The following ARID1A variants were observed in gnomAD, a reference collection of about 807,000 sequenced individuals.
ARID1A encodes the protein AT-rich interaction domain 1A.
ARID1A carries 20 observed loss-of-function variants against 212.6 expected under a neutral mutation model. The observed-to-expected ratio is 0.09, with a 90% CI of 0.07 to 0.14. The LOEUF is 0.14. ARID1A is among the 10% of genes least tolerant of loss of function. The pLI is 1.00. For synonymous variants in ARID1A, 1,376 were observed against 1,222.1 expected (o/e 1.13, Z -2.63); for missense variants, 2,587 against 3,059.0 (o/e 0.85, Z 3.64).
chr1:26,709,012 G>C (rs1283781549), intron 1 of ARID1A, among the ~76,000 whole-genome samples: 3 of 152,072 alleles, frequency 2.0e-5, no homozygotes, highest in Non-Finnish European at 1.5e-5. Context: ...GTCTTAATTT[G>C]CCACTTGGGG....
rs1273765663 is a variant in ARID1A at position 26,696,364 on chromosome 1, G to A, written c.-40G>A. The A allele has an allele frequency of 5.7e-6, 7 of 1,222,428 alleles. No homozygotes were observed. In the African/African-American group the frequency reaches 6.4e-5, roughly 11 times the overall value. 75.7% of individuals were successfully genotyped at this position (1,222,428 alleles called of 1,614,324 possible). ...GGGTGGGAGGGGGGGAGAAGACGAA[G>A]ACAGGGCCGGGTCTCTCCGCGGACG... is the stretch of plus-strand genomic sequence containing the variant. On this transcript the variant is annotated 5_prime_UTR_variant, in exon 1 of 20. Coordinates refer to ENST00000324856, the MANE Select transcript of ARID1A (RefSeq NM_006015.6).
At chr1:26,749,033 C>T (rs1195226278) in intron 4 of ARID1A, among the ~76,000 whole-genome samples, 5 of 151,962 alleles carry the variant, frequency 3.3e-5, no homozygotes. Context: ...GGCATGGTGG[C>T]GGGCACCTGT....
At position 26,774,248 on chromosome 1, in the gene ARID1A, G is replaced by A. The variant is rs2124116422; in HGVS notation, c.4102-81G>A. 3 of 1,503,418 alleles carry A rather than the reference G, an allele frequency of 2.0e-6. No individual in the cohort carries two copies. Among genetic ancestry groups the A allele is most frequent in the Non-Finnish European group, 2.7e-6 (3 of 1,128,382 alleles). 93.1% of individuals were successfully genotyped at this position (1,503,418 alleles called of 1,614,324 possible). On this transcript the variant is annotated intron_variant, in intron 17 of 19. Coordinates refer to ENST00000324856, the MANE Select transcript of ARID1A (RefSeq NM_006015.6). This position sits in a 1 kb window ranked among gnomAD's most constrained non-coding sequence, Gnocchi z 5.6. ...GGAGTCTGTGTCCACCAAGCATCTG[G>A]TTGTAGCCATCTTGGCATCTGTGGG...
intron 1 of ARID1A, among the ~76,000 whole-genome samples, chr1:26,712,864 T>G (rs1414922928): frequency 3.3e-5 from 5 of 152,248 alleles, no homozygotes; most frequent in Non-Finnish European, 2.9e-5. Flanking sequence ...ACAGAAGTGG[T>G]CAGGTGATAA....
At chr1:26,720,162 A>G (rs1393019351) in intron 1 of ARID1A, among the ~76,000 whole-genome samples, 1 of 151,654 alleles carries the variant, frequency 6.6e-6, no homozygotes, top group African/African-American at 2.4e-5. Context: ...GAGGTAGGAG[A>G]ATTGCTTGAA....
intron 1 of ARID1A, among the ~76,000 whole-genome samples, chr1:26,720,476 CAAA>C (rs750462088): frequency 1.0e-5 from 1 of 97,824 alleles, no homozygotes; most frequent in Non-Finnish European, 2.1e-5. Context: ...GACTCCATCT[CAAA>C]AAAAAAAAAA....
chr1:26,740,231 T>TC (rs2080774867), intron 4 of ARID1A, among the ~76,000 whole-genome samples: 1 of 152,224 alleles, frequency 6.6e-6, no homozygotes, highest in African/African-American at 2.4e-5. Context: ...CTTGTGTGAC[T>TC]TCTGAGGTCA....
chr1:26,769,329 T>C (rs752504936), intron 11 of ARID1A: 27 of 152,256 alleles, frequency 1.8e-4, no homozygotes, highest in Non-Finnish European at 3.4e-4. Flanking sequence ...GCCGTGATTG[T>C]AACTGAACTT....
chr1:26,697,370 G>T lies in ARID1A; in HGVS notation c.967G>T (p.Gly323Trp), dbSNP rs1470275244. 3 of 1,316,270 alleles carry T rather than the reference G, an allele frequency of 2.3e-6. No homozygotes were observed. The highest frequency in any genetic ancestry group is 3.1e-5 in the East Asian group (1 of 32,240). The allele number at this position is 1,316,270 out of a possible 1,614,324, so 81.5% of individuals were successfully genotyped here. A position where few individuals can be genotyped will look rare whatever the true frequency, so the allele number is the denominator to read the frequency against. The change falls in exon 1 of 20, where the codon GGG becomes TGG. Residue 323 changes from glycine (G) to tryptophan (W), a missense_variant. By Grantham distance (184) the Gly-to-Trp change is radical (BLOSUM62 -2). This residue lies in a region of ARID1A where 735 missense variants were observed against 590.6 expected (regional missense o/e 1.24). Coordinates refer to ENST00000324856, the MANE Select transcript of ARID1A (RefSeq NM_006015.6). ...CGACTACAGTGGCGGGCCCCAGGAC[G>T]GGGGCGCCGGCAAGGGCCCGGCGGA... ...GGDYSGGPQDGGAGKGPADMA... is the reference protein window; with the variant it reads ...GGDYSGGPQDWGAGKGPADMA...
Position 26,731,259 on chromosome 1 carries a change from C to G in ARID1A, c.1458C>G (p.Ser486=), listed in dbSNP as rs2124788365. The G allele has an allele frequency of 2.5e-6, 4 of 1,613,916 alleles. No individual in the cohort carries two copies. Among genetic ancestry groups the G allele is most frequent in the East Asian group, 2.2e-5 (1 of 44,876 alleles). ...CTCAGCAGCAGCAGCCACCCTACTC[C>G]CAGCAACCACCGTCCCAGACCCCTC... ...PHPQQQQPPY[S]QQPPSQTPHA... Residue 486 remains serine (S), a synonymous_variant, in exon 3 of 20, where the codon TCC becomes TCG. Transcript: ENST00000324856.
rs535674525 is a variant in ARID1A at position 26,699,968 on chromosome 1, T to C, written c.1137+2428T>C. 2.6e-5 allele frequency among the ~76,000 whole-genome samples: 4 copies of C among 152,340 alleles called. No individual in the cohort carries two copies. The South Asian group carries it at 8.3e-4, about 32-fold the overall frequency. On this transcript the variant is annotated intron_variant, in intron 1 of 19. Coordinates refer to ENST00000324856, the MANE Select transcript of ARID1A (RefSeq NM_006015.6). The stretch of plus-strand genomic sequence containing the variant: ...CAGTCCCTGTTTGGATGCCTGTCTG[T>C]GCTGCCTTTGGATGAATTTTCTGAT...
rs745873673 is a variant in ARID1A, at chr1:26,774,341, C to A, written c.4114C>A (p.Pro1372Thr). 1 of 1,540,252 alleles carries A rather than the reference C, an allele frequency of 6.5e-7. No individual in the cohort carries two copies. The highest frequency in any genetic ancestry group is 2.0e-5 in the Admixed American group (1 of 49,322). Reference sequence around the variant, plus strand: ...GTCTCTGCCTTAGAATTACAAGCGGCCAATGGATGGCACATATGGCCCTCC... The same window carrying A: ...GTCTCTGCCTTAGAATTACAAGCGGACAATGGATGGCACATATGGCCCTCC... ...YQQQQQNYKR[P>T]MDGTYGPPAK... Residue 1372 changes from proline (P) to threonine (T), a missense_variant, in exon 18 of 20, where the codon CCA becomes ACA. Transcript: ENST00000324856. This position sits in a 1 kb window ranked among gnomAD's most constrained non-coding sequence, Gnocchi z 5.6.
At position 26,772,923 on chromosome 1, in the gene ARID1A, C is replaced by T. The variant is rs2124107619; in HGVS notation, c.3651C>T (p.Thr1217=). The change falls in exon 14 of 20, where the codon ACC becomes ACT. Residue 1217 remains threonine, a synonymous_variant. Coordinates refer to ENST00000324856, the MANE Select transcript of ARID1A (RefSeq NM_006015.6). ...CTGGGTATCAGCCCAGTATGAATAC[C>T]TCTGACATGATGGGGCGCATGTCCT... ...PNPGYQPSMN[T]SDMMGRMSYE... is the part of the protein sequence containing the mutation. 5 of 1,614,032 alleles carry T rather than the reference C, an allele frequency of 3.1e-6. No homozygotes were observed. The South Asian group carries it at 3.3e-5, about 11-fold the overall frequency.
intron 1 of ARID1A, among the ~76,000 whole-genome samples, chr1:26,714,588 T>G (rs187039150): frequency 3.5e-4 from 53 of 152,230 alleles, no homozygotes; most frequent in Non-Finnish European, 6.5e-4. Flanking sequence ...GGCTAATTTT[T>G]GTATTTTTAG....
intron 1 of ARID1A, among the ~76,000 whole-genome samples, chr1:26,702,891 T>C (rs1464612342): frequency 6.6e-6 from 1 of 152,182 alleles, no homozygotes. Context: ...TGACTGTCAA[T>C]AGTAAGGTAA....
rs774362133 is a variant in ARID1A, at chr1:26,697,357, C to T, written c.954C>T (p.Gly318=). 1.1e-5 allele frequency: 15 copies of T among 1,321,422 alleles called. No individual in the cohort carries two copies. In the South Asian group the frequency reaches 2.8e-4, roughly 25 times the overall value. The allele number at this position is 1,321,422 out of a possible 1,614,324, so 81.9% of individuals were successfully genotyped here. A position where few individuals can be genotyped will look rare whatever the true frequency, so the allele number is the denominator to read the frequency against. The change falls in exon 1 of 20, where the codon GGC becomes GGT. Residue 318 remains glycine (G), a synonymous_variant. Coordinates refer to ENST00000324856, the MANE Select transcript of ARID1A (RefSeq NM_006015.6). ...GCTACCCCGGGGGCGACTACAGTGG[C>T]GGGCCCCAGGACGGGGGCGCCGGCA... The part of the protein sequence containing the change: ...YQGYPGGDYS[G]GPQDGGAGKG...
chr1:26,761,187 A>G (rs1191357818), intron 5 of ARID1A, 91 bp downstream of exon 5: 25 of 1,538,836 alleles, frequency 1.6e-5, no homozygotes, highest in Non-Finnish European at 2.0e-5. Flanking sequence ...CAGAGAAAGC[A>G]TCTCTGGCTC....
chr1:26,699,448 A>G (rs2080311306), intron 1 of ARID1A, among the ~76,000 whole-genome samples: 1 of 152,148 alleles, frequency 6.6e-6, no homozygotes, highest in Non-Finnish European at 1.5e-5. Flanking sequence ...TTGTTCACTT[A>G]CTAGCTGTAT....
chr1:26,766,000 C>G (rs1019395484), intron 8 of ARID1A: 1 of 548,868 alleles, frequency 1.8e-6, no homozygotes, highest in East Asian at 3.1e-5. Context: ...TATGATCACA[C>G]CACTGCATTC....
Sources: allele counts gnomAD v4.1 joint callset (sites outside exome capture counted in the v4.1 genomes callset), GRCh38; gene constraint gnomAD v4.1.1; regional missense constraint gnomAD v4.1.1; non-coding constraint Gnocchi (gnomAD v3.1); transcripts MANE v1.5; gene names NCBI Gene and HGNC (gene_info 2026-07-23, HGNC 2026-07-21).